CRMP1: variants seen among roughly 807,000 people sequenced by gnomAD.
The protein encoded by CRMP1 is dihydropyrimidinase-related protein 1.
CRMP1 carries 19 observed loss-of-function variants against 68.3 expected under a neutral mutation model. The ratio of observed to expected loss-of-function variants is 0.28; its 90% confidence interval spans 0.19 to 0.41. The LOEUF is 0.41. Among genes scored for constraint, CRMP1 ranks in the 10% least tolerant of loss-of-function variants. The pLI is 1.00. For missense variants in CRMP1, 791 were observed against 967.4 expected (o/e 0.82, Z 2.42); for synonymous variants, 439 against 399.6 (o/e 1.10, Z -1.18).
intron 1 of CRMP1, among the ~76,000 whole-genome samples, chr4:5,876,250 T>C (rs1714823896): frequency 6.6e-6 from 1 of 152,170 alleles, no homozygotes; most frequent in African/African-American, 2.4e-5. Flanking sequence ...AGTTGGCAAG[T>C]ACATTTCAGT....
chr4:5,887,822 C>T (rs1372113063), intron 1 of CRMP1: 3 of 995,746 alleles, frequency 3.0e-6, no homozygotes, highest in Non-Finnish European at 3.6e-6. Flanking sequence ...ATGGGCCGGA[C>T]GGTGCGGGGG....
At position 5,843,004 on chromosome 4, in the gene CRMP1, T is replaced by C; in HGVS notation, c.1032+89A>G. 3.9e-6 allele frequency: 5 copies of C among 1,280,738 alleles called. No individual in the cohort carries two copies. In the South Asian group the frequency reaches 6.1e-5, roughly 16 times the overall value. The allele number at this position is 1,280,738 out of a possible 1,614,324, so 79.3% of individuals were successfully genotyped here. A position where few individuals can be genotyped will look rare whatever the true frequency, so the allele number is the denominator to read the frequency against. On this transcript the variant is annotated intron_variant, in intron 7 of 13. Coordinates refer to ENST00000324989, the MANE Select transcript of CRMP1 (RefSeq NM_001014809.3). This position sits in a 1 kb window ranked among gnomAD's most constrained non-coding sequence, Gnocchi z 4.1. ...GGAGAGGACACGGGAAGAGGCCGGG[T>C]CCTGGCTGGGCTACTCCAGCTGGAA...
chr4:5,851,160 A>G (rs1431554328), intron 5 of CRMP1, among the ~76,000 whole-genome samples: 1 of 152,242 alleles, frequency 6.6e-6, no homozygotes, highest in Non-Finnish European at 1.5e-5. Flanking sequence ...GATGATGCTG[A>G]GGATAAGCCA....
intron 13 of CRMP1, among the ~76,000 whole-genome samples, chr4:5,822,738 A>C (rs1334380153): frequency 6.6e-6 from 1 of 152,208 alleles, no homozygotes; most frequent in Admixed American, 6.5e-5. Flanking sequence ...AATCAAAAAG[A>C]GAAAGCAAAT....
Position 5,834,112 on chromosome 4 carries a change from C to G in CRMP1, c.1623+1803G>C, listed in dbSNP as rs970678191. Among the ~76,000 whole-genome samples the G allele has an allele frequency of 6.6e-6, 1 of 152,286 alleles. No homozygotes were observed. The highest frequency in any genetic ancestry group is 1.9e-4 in the East Asian group (1 of 5,180). On this transcript the variant is annotated intron_variant, in intron 11 of 13. Coordinates refer to ENST00000324989, the MANE Select transcript of CRMP1 (RefSeq NM_001014809.3). This position sits in a 1 kb window ranked among gnomAD's most constrained non-coding sequence, Gnocchi z 4.3. ...TACTTCCTTCTGGGTCCTTGTCCGC[C>G]GACCTTTGACTGGCTGACACAGACA...
At chr4:5,885,799 T>A (rs1332025023) in intron 1 of CRMP1, among the ~76,000 whole-genome samples, 1 of 152,182 alleles carries the variant, frequency 6.6e-6, no homozygotes, top group African/African-American at 2.4e-5. Context: ...TCCTTCCCAC[T>A]CTTCCTGGCA....
rs1469770842 is a variant in CRMP1 at position 5,843,874 on chromosome 4, C to T, written c.964-713G>A. On this transcript the variant is annotated intron_variant, in intron 6 of 13. Coordinates refer to ENST00000324989, the MANE Select transcript of CRMP1 (RefSeq NM_001014809.3). The surrounding 1 kb of genome is among the most constrained non-coding windows in gnomAD (Gnocchi z 4.1). Reference sequence around the variant, plus strand: ...CCACTACCTGAAACTTATCATATAACCTTGAAATGGTTCCCTGGGCTGATG... The same window carrying T: ...CCACTACCTGAAACTTATCATATAATCTTGAAATGGTTCCCTGGGCTGATG... Among the ~76,000 whole-genome samples, 3 of 152,190 alleles carry T rather than the reference C, an allele frequency of 2.0e-5. No individual in the cohort carries two copies. Among genetic ancestry groups the T allele is most frequent in the Admixed American group, 1.3e-4 (2 of 15,278 alleles).
chr4:5,871,450 G>A (rs1714441857), intron 1 of CRMP1, among the ~76,000 whole-genome samples: 1 of 152,080 alleles, frequency 6.6e-6, no homozygotes, highest in Admixed American at 6.5e-5. Context: ...CACGAGGTCA[G>A]GAGATCAAGA....
intron 11 of CRMP1, among the ~76,000 whole-genome samples, chr4:5,830,068 C>T (rs188339641): frequency 5.3e-4 from 80 of 152,292 alleles, no homozygotes; most frequent in African/African-American, 1.7e-3. Context: ...AAAATACTAT[C>T]TCTAGGTGGT....
At position 5,838,906 on chromosome 4, in the gene CRMP1, C is replaced by T. The variant is rs1720903242; in HGVS notation, c.1310+616G>A. On this transcript the variant is annotated intron_variant, in intron 9 of 13. Coordinates refer to ENST00000324989, the MANE Select transcript of CRMP1 (RefSeq NM_001014809.3). This position sits in a 1 kb window ranked among gnomAD's most constrained non-coding sequence, Gnocchi z 4.9. ...AGCCTCCCGGTGGGTTCTGAGCATG[C>T]GTCTCTGCTTCCAGAGCGGCCTGGA... Among the ~76,000 whole-genome samples the T allele has an allele frequency of 1.3e-5, 2 of 152,210 alleles. No homozygotes were observed. Among genetic ancestry groups the T allele is most frequent in the South Asian group, 2.1e-4 (1 of 4,830 alleles).
rs966598937 is a variant in CRMP1, at chr4:5,838,472, A to C, written c.1310+1050T>G. Among the ~76,000 whole-genome samples, 3 of 152,122 alleles carry C rather than the reference A, an allele frequency of 2.0e-5. No individual in the cohort carries two copies. Among genetic ancestry groups the C allele is most frequent in the Non-Finnish European group, 4.4e-5 (3 of 68,022 alleles). On this transcript the variant is annotated intron_variant, in intron 9 of 13. Coordinates refer to ENST00000324989, the MANE Select transcript of CRMP1 (RefSeq NM_001014809.3). This position sits in a 1 kb window ranked among gnomAD's most constrained non-coding sequence, Gnocchi z 4.9. ...GTGGGGTGGGCCCGTGTGGAAATAG[A>C]AAGTCTTGGTCGGAAGCCAGGGATG...
Position 5,892,544 on chromosome 4 carries a change from C to T in CRMP1, c.381+45G>A, listed in dbSNP as rs1577859874. On this transcript the variant is annotated intron_variant, in intron 1 of 13. Coordinates refer to ENST00000324989, the MANE Select transcript of CRMP1 (RefSeq NM_001014809.3). This position sits in a 1 kb window ranked among gnomAD's most constrained non-coding sequence, Gnocchi z 8.6. ...GGGCGCCCCATGCCCTGGGTCCTCCCGGGGCCCGCCCCCCTCGTCTGGCCC... is the reference window on the plus strand; with the variant it reads ...GGGCGCCCCATGCCCTGGGTCCTCCTGGGGCCCGCCCCCCTCGTCTGGCCC... 4 of 1,165,732 alleles carry T rather than the reference C, an allele frequency of 3.4e-6. No individual in the cohort carries two copies. In the African/African-American group the frequency reaches 4.9e-5, roughly 14 times the overall value. 72.2% of individuals were successfully genotyped at this position (1,165,732 alleles called of 1,614,324 possible).
intron 1 of CRMP1, among the ~76,000 whole-genome samples, chr4:5,885,152 A>G (rs1240062747): frequency 6.6e-6 from 1 of 152,128 alleles, no homozygotes; most frequent in African/African-American, 2.4e-5. Flanking sequence ...CACCACCATC[A>G]TCGTCAACAT....
rs537518779 is a variant in CRMP1, at chr4:5,825,178, T to C, written c.1969+316A>G. 211 of 985,436 alleles carry C rather than the reference T, an allele frequency of 2.1e-4. No individual in the cohort carries two copies. In the Middle Eastern group the frequency reaches 3.1e-3, roughly 15 times the overall value. The allele number at this position is 985,436 out of a possible 1,614,324, so 61.0% of individuals were successfully genotyped here. Reference sequence around the variant, plus strand: ...TTGTTCATCCCCACCACTCCATGTTTACTTTCATGAGGAAGAGTGTGAAAG... The same window carrying C: ...TTGTTCATCCCCACCACTCCATGTTCACTTTCATGAGGAAGAGTGTGAAAG... On this transcript the variant is annotated intron_variant, in intron 13 of 13. Coordinates refer to ENST00000324989, the MANE Select transcript of CRMP1 (RefSeq NM_001014809.3). This position sits in a 1 kb window ranked among gnomAD's most constrained non-coding sequence, Gnocchi z 4.4.
chr4:5,859,322 G>C lies in CRMP1; in HGVS notation c.655+1704C>G, dbSNP rs530974326. On this transcript the variant is annotated intron_variant, in intron 3 of 13. Transcript: ENST00000324989. The surrounding 1 kb of genome is among the most constrained non-coding windows in gnomAD (Gnocchi z 5.2). The stretch of plus-strand genomic sequence containing the variant: ...GGAAACTGCCCTTCACAGGTGAGGA[G>C]GATAAGGCTTACAGGGCAGGGCTCC... 6.6e-6 allele frequency among the ~76,000 whole-genome samples: 1 copy of C among 152,172 alleles called. No individual in the cohort carries two copies.
At chr4:5,876,767 G>A (rs558848072) in intron 1 of CRMP1, among the ~76,000 whole-genome samples, 13 of 132,268 alleles carry the variant, frequency 9.8e-5, no homozygotes, top group Non-Finnish European at 2.0e-4. Context: ...AAAACTGATA[G>A]CACGACAGCA....
chr4:5,845,389 G>A (rs1227623028), intron 6 of CRMP1, among the ~76,000 whole-genome samples: 1 of 152,216 alleles, frequency 6.6e-6, no homozygotes, highest in Non-Finnish European at 1.5e-5. Flanking sequence ...CGCCTCGCTG[G>A]GGCTGCCCAT....
Position 5,866,825 on chromosome 4 carries a change from T to C in CRMP1, c.382-69A>G. 9.1e-7 allele frequency: 1 copy of C among 1,102,982 alleles called. No homozygotes were observed. The highest frequency in any genetic ancestry group is 1.3e-6 in the Non-Finnish European group (1 of 777,448). 68.3% of individuals were successfully genotyped at this position (1,102,982 alleles called of 1,614,324 possible). A position where few individuals can be genotyped will look rare whatever the true frequency, so the allele number is the denominator to read the frequency against. ...AGGATAAAGTTTTTTCTTTTTAATT[T>C]TTAATATAAGAATTATCAAATATTT... On this transcript the variant is annotated intron_variant, in intron 1 of 13. Coordinates refer to ENST00000324989, the MANE Select transcript of CRMP1 (RefSeq NM_001014809.3). The surrounding 1 kb of genome is among the most constrained non-coding windows in gnomAD (Gnocchi z 5.9).
At chr4:5,869,464 C>T (rs186977517) in intron 1 of CRMP1, among the ~76,000 whole-genome samples, 46 of 151,912 alleles carry the variant, frequency 3.0e-4, no homozygotes, top group African/African-American at 9.7e-4. Context: ...AGGTGGATCA[C>T]GAGGTCAGGA....
Sources: gnomAD v4.1 joint callset for allele counts (sites outside exome capture counted in the v4.1 genomes callset) on GRCh38, gnomAD v4.1.1 for gene constraint, Gnocchi (gnomAD v3.1) non-coding constraint, MANE v1.5 for transcripts, NCBI Gene and HGNC (gene_info 2026-07-23, HGNC 2026-07-21) for gene names.